NFASC: variants seen among roughly 807,000 people sequenced by gnomAD.
The protein encoded by NFASC is neurofascin homolog.
Under a neutral mutation model 147.5 loss-of-function variants are expected in NFASC, and 43 were observed. The ratio of observed to expected loss-of-function variants is 0.29; its 90% CI spans 0.23 to 0.38. The LOEUF (loss-of-function observed/expected upper bound fraction) is 0.38. Ranked by LOEUF, NFASC falls within the 10% of genes least tolerant of loss-of-function variation. The pLI is 1.00. For synonymous variants in NFASC, 622 were observed against 665.5 expected (o/e 0.93, Z 1.01); for missense variants, 1,320 against 1,689.0 (o/e 0.78, Z 3.83).
At chr1:205,011,583 A>G (rs1431195601) in intron 28 of NFASC, among the ~76,000 whole-genome samples, 2 of 152,212 alleles carry the variant, frequency 1.3e-5, no homozygotes, top group Non-Finnish European at 1.5e-5. Context: ...CAGTTCTTCG[A>G]AACTAACCTC....
chr1:204,925,604 C>A (rs2091353507), intron 2 of NFASC, among the ~76,000 whole-genome samples: 1 of 152,224 alleles, frequency 6.6e-6, no homozygotes, highest in African/African-American at 2.4e-5. Context: ...TCAAGAAGCT[C>A]ATAATCTGGC....
In NFASC at chr1:204,828,725, C is replaced by G; in HGVS notation, c.-257C>G. 1.0e-6 allele frequency: 1 copy of G among 985,728 alleles called. No individual in the cohort carries two copies. Among genetic ancestry groups the G allele is most frequent in the Non-Finnish European group, 1.2e-6 (1 of 830,264 alleles). The allele number at this position is 985,728 out of a possible 1,614,324, so 61.1% of individuals were successfully genotyped here. ...GCTGCAGGGGACGCGGGGGAAGTGG[C>G]GGCGCCGGCAGCGGACAGCTCGGAC... On this transcript the variant is annotated 5_prime_UTR_variant, in exon 1 of 30. Coordinates refer to ENST00000339876, the MANE Select transcript of NFASC (RefSeq NM_001005388.3).
intron 1 of NFASC, among the ~76,000 whole-genome samples, chr1:204,855,859 C>A (rs2076106976): frequency 6.6e-6 from 1 of 152,094 alleles, no homozygotes; most frequent in African/African-American, 2.4e-5. Flanking sequence ...AAGTGGAAAC[C>A]ATGTAACTGG....
chr1:204,868,447 G>A (rs1430059843), intron 1 of NFASC, among the ~76,000 whole-genome samples: 3 of 152,160 alleles, frequency 2.0e-5, no homozygotes, highest in African/African-American at 7.2e-5. Context: ...GCTGTTACTA[G>A]AGCCACTCTG....
intron 23 of NFASC, 79 bp from the exon 24 acceptor site, chr1:204,991,213 C>T (rs1165559278): frequency 1.3e-6 from 2 of 1,501,442 alleles, no homozygotes; most frequent in African/African-American, 2.8e-5. Flanking sequence ...GTCCTGTGGT[C>T]TCACTTGTGC....
chr1:204,931,710 T>C (rs2092378962), intron 2 of NFASC, among the ~76,000 whole-genome samples: 4 of 152,178 alleles, frequency 2.6e-5, no homozygotes, highest in African/African-American at 4.8e-5. Flanking sequence ...TTCTGTTCCA[T>C]GCTTGTGATC....
intron 5 of NFASC, among the ~76,000 whole-genome samples, chr1:204,953,466 T>C (rs1021474383): frequency 6.6e-6 from 1 of 151,958 alleles, no homozygotes; most frequent in Non-Finnish European, 1.5e-5. Flanking sequence ...CCCGGCTAAT[T>C]TTTTGTATTT....
At chr1:204,972,510 G>A (rs1325973076) in intron 11 of NFASC, among the ~76,000 whole-genome samples, 1 of 152,182 alleles carries the variant, frequency 6.6e-6, no homozygotes, top group Non-Finnish European at 1.5e-5. Context: ...GTGAAGTGTG[G>A]ACCCCCAGCC....
chr1:205,004,287 C>T (rs1262339801), intron 27 of NFASC, among the ~76,000 whole-genome samples: 1 of 152,232 alleles, frequency 6.6e-6, no homozygotes, highest in African/African-American at 2.4e-5. Flanking sequence ...GGGTTCAGGC[C>T]CTGCCCTCAG....
intron 1 of NFASC, among the ~76,000 whole-genome samples, chr1:204,875,776 A>G (rs953794941): frequency 1.3e-5 from 2 of 152,196 alleles, no homozygotes; most frequent in Admixed American, 1.3e-4. Context: ...GGTAGATACC[A>G]GCCACCCTGT....
intron 1 of NFASC, among the ~76,000 whole-genome samples, chr1:204,843,600 C>T (rs1676006159): frequency 2.5e-5 from 2 of 79,274 alleles, no homozygotes; most frequent in African/African-American, 1.0e-4. Context: ...TCCTTCCTTC[C>T]TTCCTTCCTT....
chr1:204,899,304 A>G (rs551939180), intron 1 of NFASC, among the ~76,000 whole-genome samples: 1 of 152,338 alleles, frequency 6.6e-6, no homozygotes, highest in Non-Finnish European at 1.5e-5. Flanking sequence ...GGAAACAGCA[A>G]CGTCCTCTTC....
chr1:204,893,426 G>A (rs1023134423), intron 1 of NFASC, among the ~76,000 whole-genome samples: 1 of 152,190 alleles, frequency 6.6e-6, no homozygotes, highest in Non-Finnish European at 1.5e-5. Context: ...CAGGGAGATT[G>A]TGGAGACTAA....
chr1:204,860,947 A>G (rs1359741083), intron 1 of NFASC, among the ~76,000 whole-genome samples: 1 of 151,186 alleles, frequency 6.6e-6, no homozygotes, highest in Non-Finnish European at 1.5e-5. Flanking sequence ...TTATCTATAT[A>G]TGGCACATTT....
intron 2 of NFASC, among the ~76,000 whole-genome samples, chr1:204,937,153 TA>T (rs111700110): frequency 1.8e-3 from 268 of 147,522 alleles, no homozygotes; most frequent in Non-Finnish European, 2.2e-3. Flanking sequence ...TTTCTTTCTT[TA>T]AAAAAAAAAA....
rs188983807 is a variant in NFASC at position 204,954,769 on chromosome 1, C to T, written c.413-60C>T. 1,496 of 1,594,830 alleles carry T rather than the reference C, an allele frequency of 9.4e-4. 21 individuals carry two copies. The African/African-American group carries it at 0.019, about 20-fold the overall frequency. On this transcript the variant is annotated intron_variant, in intron 6 of 29. Transcript: ENST00000339876. The surrounding 1 kb of genome is among the most constrained non-coding windows in gnomAD (Gnocchi z 5.7). ...CCTTGCATGCCTGCCTCTGACCCTG[C>T]TCCTTGCCCCGGGCCCAGCCATCAC... is the stretch of plus-strand genomic sequence containing the variant.
chr1:204,938,970 C>G (rs963559113), intron 2 of NFASC, among the ~76,000 whole-genome samples: 2 of 151,390 alleles, frequency 1.3e-5, no homozygotes, highest in Admixed American at 1.3e-4. Flanking sequence ...TTTTATGAAA[C>G]AGTACTTAAC....
At chr1:205,013,683 G>A (rs1251158764) in intron 29 of NFASC, among the ~76,000 whole-genome samples, 1 of 152,230 alleles carries the variant, frequency 6.6e-6, no homozygotes, top group East Asian at 1.9e-4. Context: ...GAAGGATGAT[G>A]CAGAGTGGGC....
chr1:204,921,796 T>G (rs2090542105), intron 2 of NFASC, among the ~76,000 whole-genome samples: 1 of 152,114 alleles, frequency 6.6e-6, no homozygotes, highest in Admixed American at 6.5e-5. Context: ...ATTTAATCAA[T>G]GAGGGTTATT....
Sources: gnomAD v4.1 joint callset for allele counts (sites outside exome capture counted in the v4.1 genomes callset) on GRCh38, gnomAD v4.1.1 for gene constraint, Gnocchi (gnomAD v3.1) non-coding constraint, MANE v1.5 for transcripts, NCBI Gene and HGNC (gene_info 2026-07-23, HGNC 2026-07-21) for gene names.